Variants in CPZ observed in about 807,000 individuals in gnomAD.
CPZ encodes VEZT/CPZ fusion.
CPZ carries 103 observed loss-of-function variants against 61.8 expected under a neutral mutation model. The observed-to-expected ratio is 1.67, with a 90% CI of 1.42 to 1.96. CPZ has a LOEUF of 1.96. CPZ is among the 30% of genes most tolerant of loss of function. The probability of loss-of-function intolerance (pLI) is 0.00; values close to 1 mark genes in which losing one functional copy is unlikely to be tolerated. For synonymous variants in CPZ, 551 were observed against 373.7 expected, an observed-to-expected ratio of 1.47 and a Z score of -5.47; for missense variants, 1,461 against 914.9, an observed-to-expected ratio of 1.60 and a Z score of -7.70.
At chr4:8,609,043 ACTCCCTCCCTCCCTCACTCC>A (rs1179548241) in intron 7 of CPZ, among the ~76,000 whole-genome samples, 64 of 141,786 alleles carry the variant, frequency 4.5e-4, no homozygotes, top group Non-Finnish European at 8.1e-4. Context: ...TCACCCATTC[ACTCCCTCCCTCCCTCACTCC>A]CTCACTCACC....
At chr4:8,603,617 G>T in intron 3 of CPZ, 3 of 280,984 alleles carry the variant, frequency 1.1e-5, no homozygotes, top group Admixed American at 5.1e-5. Context: ...ACACGCCCAG[G>T]AAAATCCCCT....
At position 8,607,437 on chromosome 4, in the gene CPZ, G is replaced by A. The variant is rs902810031; in HGVS notation, c.1227+12G>A. On this transcript the variant is annotated intron_variant, in intron 7 of 10. Coordinates refer to ENST00000360986, the MANE Select transcript of CPZ (RefSeq NM_001014447.3). ...CGCCCGACGAGAAGGTGAGAGGGCT[G>A]TCGGGTGTGTGCAGGGGAGGGAGAC... 1 of 1,613,130 alleles carries A rather than the reference G, an allele frequency of 6.2e-7. No homozygotes were observed. Among genetic ancestry groups the A allele is most frequent in the Admixed American group, 1.7e-5 (1 of 59,966 alleles).
At chr4:8,605,258 A>G (rs1714851657) in intron 4 of CPZ, among the ~76,000 whole-genome samples, 1 of 151,520 alleles carries the variant, frequency 6.6e-6, no homozygotes, top group South Asian at 2.1e-4. Context: ...ACTTGCCTGC[A>G]GTCACACAGC....
intron 2 of CPZ, among the ~76,000 whole-genome samples, chr4:8,600,555 G>A (rs1036050860): frequency 1.3e-5 from 2 of 152,188 alleles, no homozygotes; most frequent in Non-Finnish European, 2.9e-5. Context: ...TGATGAGGAA[G>A]CAGGAAGGTG....
chr4:8,609,252 C>CTCATTCATTG (rs1560298336), intron 7 of CPZ, among the ~76,000 whole-genome samples: 3 of 73,310 alleles, frequency 4.1e-5, no homozygotes, highest in East Asian at 4.4e-4. Flanking sequence ...TCACTCATCA[C>CTCATTCATTG]TCACTCATTC....
chr4:8,608,725 C>A lies in CPZ; in HGVS notation c.1227+1300C>A, dbSNP rs141055557. Among the ~76,000 whole-genome samples, 666 of 151,886 alleles carry A rather than the reference C, an allele frequency of 4.4e-3. 6 individuals carry two copies. Among genetic ancestry groups the A allele is most frequent in the African/African-American group, 0.015 (624 of 41,336 alleles). On this transcript the variant is annotated intron_variant, in intron 7 of 10. Coordinates refer to ENST00000360986, the MANE Select transcript of CPZ (RefSeq NM_001014447.3). The stretch of plus-strand genomic sequence containing the variant: ...CTGGTCTGGGACTTCAGGAGGGCTT[C>A]CCTGAGGTGGCGGTTTCCCAAAAGG...
At chr4:8,615,624 T>G (rs1716098552) in intron 9 of CPZ, among the ~76,000 whole-genome samples, 2 of 152,094 alleles carry the variant, frequency 1.3e-5, no homozygotes, top group African/African-American at 4.8e-5. Context: ...TAGATGGAGT[T>G]GAGGTTCTGG....
intron 4 of CPZ, among the ~76,000 whole-genome samples, chr4:8,604,606 C>T (rs1020104945): frequency 8.5e-5 from 13 of 152,158 alleles, no homozygotes; most frequent in Non-Finnish European, 1.2e-4. Context: ...CTCAGCCTCC[C>T]GAGTAGCCGG....
intron 3 of CPZ, chr4:8,602,562 GCGAGTCTCACGA>G (rs1480958397): frequency 6.6e-6 from 1 of 152,314 alleles, no homozygotes; most frequent in Non-Finnish European, 1.5e-5. Context: ...GCTAGCTCAC[GCGAGTCTCACGA>G]CAGCCTTGCT....
At chr4:8,613,365 C>T (rs1363521051) in intron 8 of CPZ, among the ~76,000 whole-genome samples, 2 of 152,126 alleles carry the variant, frequency 1.3e-5, no homozygotes, top group African/African-American at 2.4e-5. Flanking sequence ...CTCCTGACCT[C>T]GTGATCCGCC....
chr4:8,619,550 A>G lies in CPZ; in HGVS notation c.1892A>G (p.Lys631Arg). ...ARRQPSADGS[K>R]PWWWSYFTSL... ...AGGCAGCCCTCGGCCGACGGGAGTA[A>G]GCCCTGGTGGTGGTCCTACTTCACA... is the stretch of plus-strand genomic sequence containing the variant. Residue 631 changes from lysine to arginine, a missense_variant, in exon 11 of 11, where the codon AAG becomes AGG. Physicochemically the swap from Lys to Arg is conservative, Grantham distance 26. Transcript: ENST00000360986. The G allele has an allele frequency of 6.4e-7, 1 of 1,563,582 alleles. No individual in the cohort carries two copies.
intron 8 of CPZ, among the ~76,000 whole-genome samples, chr4:8,614,071 C>T (rs575231221): frequency 5.8e-4 from 89 of 152,376 alleles, no homozygotes; most frequent in African/African-American, 1.6e-3. Flanking sequence ...CTTCCCATTG[C>T]GGGACCCTTA....
Position 8,618,478 on chromosome 4 carries a change from T to G in CPZ, c.1553T>G (p.Val518Gly). Residue 518 changes from valine (V) to glycine (G), a missense_variant, in exon 10 of 11, where the codon GTC becomes GGC. Coordinates refer to ENST00000360986, the MANE Select transcript of CPZ (RefSeq NM_001014447.3). Reference protein sequence around the residue: ...GVVTDKFGKPVKNARISVKGI... With the variant: ...GVVTDKFGKPGKNARISVKGI... ...GTGACAGATAAATTCGGCAAGCCAG[T>G]CAAAAACGCCCGGATCTCAGTCAAA... 6.2e-7 allele frequency: 1 copy of G among 1,612,034 alleles called. No homozygotes were observed. The highest frequency in any genetic ancestry group is 1.1e-5 in the South Asian group (1 of 91,050).
rs958439787 is a variant in CPZ, at chr4:8,618,519, A to C, written c.1594A>C (p.Ile532Leu). The C allele has an allele frequency of 1.9e-6, 3 of 1,613,804 alleles. No individual in the cohort carries two copies. In the African/African-American group the frequency reaches 4.0e-5, roughly 21 times the overall value. The change falls in exon 10 of 11, where the codon ATC becomes CTC. Residue 532 changes from isoleucine to leucine, a missense_variant. By Grantham distance (5) the Ile-to-Leu change is conservative (BLOSUM62 2). Coordinates refer to ENST00000360986, the MANE Select transcript of CPZ (RefSeq NM_001014447.3). Reference sequence around the variant, plus strand: ...CTCAGTCAAAGGCATTCGCCACGACATCACCACAGGTGAGCACGTCCCTGG... The same window carrying C: ...CTCAGTCAAAGGCATTCGCCACGACCTCACCACAGGTGAGCACGTCCCTGG... ...RISVKGIRHD[I>L]TTAPDGDYWR... is the part of the protein sequence containing the mutation.
chr4:8,609,340 C>CTCATTCTCTCAT (rs879862186), intron 7 of CPZ, among the ~76,000 whole-genome samples: 2 of 152,144 alleles, frequency 1.3e-5, no homozygotes, highest in Non-Finnish European at 2.9e-5. Context: ...TTTTCACTCA[C>CTCATTCTCTCAT]TCATTCTCTC....
At chr4:8,612,265 T>C in intron 8 of CPZ, 103 bp downstream of exon 8, 2 of 1,037,542 alleles carry the variant, frequency 1.9e-6, no homozygotes, top group Middle Eastern at 3.2e-4. Context: ...GGGATCCAGC[T>C]GGAGAGCCCG....
rs778013675 is a variant in CPZ, at chr4:8,603,961, C to A, written c.497-15C>A. 1.1e-5 allele frequency: 18 copies of A among 1,610,376 alleles called. No individual in the cohort carries two copies. The highest frequency in any genetic ancestry group is 2.2e-5 in the East Asian group (1 of 44,868). ...GGGGCCTGACACTGACTGAGCCCCC[C>A]CACTGCTCCCCCAGGAGGCCTGGAG... On this transcript the variant is annotated splice_polypyrimidine_tract_variant and intron_variant, in intron 3 of 10. Transcript: ENST00000360986.
intron 7 of CPZ, among the ~76,000 whole-genome samples, chr4:8,609,160 T>TCAGC (rs1452860360): frequency 2.9e-5 from 4 of 137,104 alleles, no homozygotes; most frequent in Non-Finnish European, 4.6e-5. Context: ...ACTCCCTCAC[T>TCAGC]CATTCACTCA....
At chr4:8,603,885 A>C (rs921352885) in intron 3 of CPZ, 91 bp from the exon 4 acceptor site, 6 of 1,083,048 alleles carry the variant, frequency 5.5e-6, no homozygotes, top group Non-Finnish European at 7.0e-6. Flanking sequence ...TGCAGAGGGG[A>C]CTAAGGGTGC....
Sources: gnomAD v4.1 joint callset for allele counts (sites outside exome capture counted in the v4.1 genomes callset) on GRCh38, gnomAD v4.1.1 for gene constraint, MANE v1.5 for transcripts, NCBI Gene and HGNC (gene_info 2026-07-23, HGNC 2026-07-21) for gene names.